Variants in GKAP1 observed in about 807,000 individuals in gnomAD.
GKAP1 encodes G kinase-anchoring protein 1.
GKAP1 carries 31 observed loss-of-function variants against 56.7 expected under a neutral mutation model. That is an observed-to-expected ratio of 0.55 (90% confidence interval 0.41 to 0.74). GKAP1 has a LOEUF of 0.74. Ranked by LOEUF, GKAP1 falls within the 30% of genes least tolerant of loss-of-function variation. The pLI is 0.00. For missense variants in GKAP1, 364 were observed against 402.3 expected (o/e 0.90, Z 0.82); for synonymous variants, 151 against 138.6 (o/e 1.09, Z -0.63).
intron 4 of GKAP1, among the ~76,000 whole-genome samples, chr9:83,796,753 C>A (rs1944254903): frequency 6.6e-6 from 1 of 152,160 alleles, no homozygotes; most frequent in Non-Finnish European, 1.5e-5. Context: ...AGGTGTGAGC[C>A]ACCGCACCCG....
At chr9:83,743,103 C>T (rs1312472983) in intron 10 of GKAP1, among the ~76,000 whole-genome samples, 4 of 152,152 alleles carry the variant, frequency 2.6e-5, no homozygotes, top group African/African-American at 9.7e-5. Context: ...GTGGTGGTTG[C>T]TGTGAGCCAA....
chr9:83,788,786 AAAC>A (rs1335707747), intron 4 of GKAP1, 108 bp from the exon 5 acceptor site: 13 of 603,236 alleles, frequency 2.2e-5, no homozygotes, highest in Non-Finnish European at 3.7e-5. Flanking sequence ...ATATGTTAAA[AAAC>A]AATATGGATT....
At chr9:83,793,186 C>A (rs1944190894) in intron 4 of GKAP1, 1 of 154,772 alleles carries the variant, frequency 6.5e-6, no homozygotes, top group African/African-American at 2.4e-5. Flanking sequence ...TCATTTAAAT[C>A]CAAACAAAAT....
chr9:83,817,190 G>C (rs1354583440), intron 1 of GKAP1, 63 bp from the exon 2 acceptor site: 2 of 152,094 alleles, frequency 1.3e-5, no homozygotes, highest in Admixed American at 6.5e-5. Flanking sequence ...GGCTCCCCGG[G>C]AGGGAGCGCG....
chr9:83,814,032 G>A (rs1227067635), intron 2 of GKAP1, among the ~76,000 whole-genome samples: 14 of 152,026 alleles, frequency 9.2e-5, no homozygotes, highest in African/African-American at 2.7e-4. Flanking sequence ...CCTGGGGGTC[G>A]AGGCTGTAGT....
chr9:83,791,201 G>A (rs1013725932), intron 4 of GKAP1, among the ~76,000 whole-genome samples: 24 of 152,134 alleles, frequency 1.6e-4, no homozygotes, highest in Non-Finnish European at 1.0e-4. Flanking sequence ...AGGAGATCAA[G>A]ACCATCCTGG....
chr9:83,766,983 T>A lies in GKAP1; in HGVS notation c.738+1835A>T, dbSNP rs990486907. Among the ~76,000 whole-genome samples the A allele has an allele frequency of 5.3e-5, 8 of 152,276 alleles. 1 individual carries two copies. The highest frequency in any genetic ancestry group is 1.2e-4 in the Non-Finnish European group (8 of 68,028). ...AGTGTTCATGGGGACATTAGTGAAA[T>A]TACTACAAGTTTCAAGCTAGGAGAA... On this transcript the variant is annotated intron_variant, in intron 8 of 12. Coordinates refer to ENST00000376371, the MANE Select transcript of GKAP1 (RefSeq NM_025211.4).
At chr9:83,775,635 G>A (rs934861672) in intron 7 of GKAP1, among the ~76,000 whole-genome samples, 6 of 151,842 alleles carry the variant, frequency 4.0e-5, no homozygotes, top group Non-Finnish European at 7.4e-5. Context: ...CAACACTATG[G>A]GAGGCCAAGG....
chr9:83,788,098 C>A (rs1413035340), intron 5 of GKAP1, among the ~76,000 whole-genome samples: 1 of 151,988 alleles, frequency 6.6e-6, no homozygotes, highest in Non-Finnish European at 1.5e-5. Context: ...GCCAACATGG[C>A]GAAATCCCAT....
intron 7 of GKAP1, among the ~76,000 whole-genome samples, chr9:83,776,350 G>C (rs1453388284): frequency 6.6e-6 from 1 of 152,088 alleles, no homozygotes; most frequent in Non-Finnish European, 1.5e-5. Context: ...TTTAAAGCTA[G>C]ATTAAATTTA....
At chr9:83,765,380 T>C (rs1943644480) in intron 8 of GKAP1, among the ~76,000 whole-genome samples, 1 of 152,226 alleles carries the variant, frequency 6.6e-6, no homozygotes, top group African/African-American at 2.4e-5. Flanking sequence ...GGAGAACCTC[T>C]GCTAGGGCAG....
chr9:83,788,028 A>G (rs1343861568), intron 5 of GKAP1, among the ~76,000 whole-genome samples: 1 of 152,228 alleles, frequency 6.6e-6, no homozygotes, highest in African/African-American at 2.4e-5. Flanking sequence ...CTGTAATCCC[A>G]GCACTTTGGG....
chr9:83,803,517 G>A (rs1014713308), intron 3 of GKAP1, among the ~76,000 whole-genome samples: 3 of 152,342 alleles, frequency 2.0e-5, no homozygotes, highest in Admixed American at 6.5e-5. Context: ...GGCCTCCCGA[G>A]GTGCCGGGAT....
intron 7 of GKAP1, among the ~76,000 whole-genome samples, chr9:83,773,366 G>A (rs1033277366): frequency 6.6e-6 from 1 of 152,182 alleles, no homozygotes; most frequent in African/African-American, 2.4e-5. Context: ...GGGGCTGAAG[G>A]TGGGAGTAGG....
chr9:83,791,227 C>T (rs1403891841), intron 4 of GKAP1, among the ~76,000 whole-genome samples: 1 of 151,876 alleles, frequency 6.6e-6, no homozygotes, highest in Non-Finnish European at 1.5e-5. Flanking sequence ...ACGGTGAAAC[C>T]CCGTCTCTAC....
At chr9:83,770,683 T>A (rs567177284) in intron 7 of GKAP1, among the ~76,000 whole-genome samples, 2 of 152,076 alleles carry the variant, frequency 1.3e-5, no homozygotes, top group East Asian at 3.9e-4. Context: ...CACCTCAGCC[T>A]CCTGAGTAGC....
intron 8 of GKAP1, among the ~76,000 whole-genome samples, chr9:83,763,918 A>C (rs1405970136): frequency 1.3e-5 from 2 of 152,170 alleles, no homozygotes; most frequent in Non-Finnish European, 2.9e-5. Context: ...GGTTTAAATC[A>C]TACTGCTACT....
chr9:83,754,987 T>G (rs1279209872), intron 8 of GKAP1, among the ~76,000 whole-genome samples: 6 of 152,128 alleles, frequency 3.9e-5, no homozygotes, highest in African/African-American at 1.4e-4. Context: ...AGAAGTATAT[T>G]TGAGAAATAA....
intron 7 of GKAP1, among the ~76,000 whole-genome samples, chr9:83,776,267 T>C (rs1247215668): frequency 6.6e-6 from 1 of 152,156 alleles, no homozygotes; most frequent in South Asian, 2.1e-4. Context: ...GTAACAAGAA[T>C]GAGCTCAACA....
Sources: gnomAD v4.1 joint callset for allele counts (sites outside exome capture counted in the v4.1 genomes callset) on GRCh38, gnomAD v4.1.1 for gene constraint, MANE v1.5 for transcripts, NCBI Gene and HGNC (gene_info 2026-07-23, HGNC 2026-07-21) for gene names.